RAPGEF4: variants seen among roughly 807,000 people sequenced by gnomAD.
RAPGEF4 encodes RAP guanine-nucleotide-exchange factor (GEF) 4.
In RAPGEF4, 66 loss-of-function variants were observed where a neutral mutation model predicts 147.9. The observed-to-expected ratio is 0.45, with a 90% CI of 0.37 to 0.55. The LOEUF (loss-of-function observed/expected upper bound fraction) is 0.55, where lower values mean the gene tolerates loss of function less well. Ranked by LOEUF, RAPGEF4 falls within the 20% of genes least tolerant of loss-of-function variation. The pLI is 0.00. For missense variants in RAPGEF4, 1,071 were observed against 1,257.3 expected (o/e 0.85, Z 2.24); for synonymous variants, 419 against 442.7 (o/e 0.95, Z 0.67).
At chr2:172,838,172 A>T (rs1691170954) in intron 4 of RAPGEF4, among the ~76,000 whole-genome samples, 1 of 152,106 alleles carries the variant, frequency 6.6e-6, no homozygotes, top group Non-Finnish European at 1.5e-5. Flanking sequence ...TTCCTACAAG[A>T]AGTGACCTGT....
intron 5 of RAPGEF4, among the ~76,000 whole-genome samples, chr2:172,918,937 G>A (rs574173781): frequency 4.6e-5 from 7 of 152,176 alleles, no homozygotes; most frequent in African/African-American, 1.4e-4. Flanking sequence ...CTGCTTGACC[G>A]CAATCCTGAG....
chr2:172,771,379 G>A (rs1683565965), intron 1 of RAPGEF4, among the ~76,000 whole-genome samples: 2 of 151,072 alleles, frequency 1.3e-5, no homozygotes, highest in African/African-American at 2.4e-5. Context: ...GAATTTGGGG[G>A]CGGGGATACA....
intron 1 of RAPGEF4, among the ~76,000 whole-genome samples, chr2:172,785,136 C>T (rs544729480): frequency 1.3e-5 from 2 of 152,286 alleles, no homozygotes; most frequent in African/African-American, 4.8e-5. Context: ...AAATGGAATT[C>T]TTAATACCTG....
intron 5 of RAPGEF4, among the ~76,000 whole-genome samples, chr2:172,919,558 C>T (rs1025533773): frequency 6.6e-6 from 1 of 152,070 alleles, no homozygotes; most frequent in East Asian, 1.9e-4. Context: ...AGAGTTTAGC[C>T]ATGGCTTCTT....
Position 173,017,449 on chromosome 2 carries a change from C to G in RAPGEF4, c.1953C>G (p.Phe651Leu), listed in dbSNP as rs368919451. The G allele has an allele frequency of 4.9e-5, 79 of 1,614,024 alleles. No homozygotes were observed. The highest frequency in any genetic ancestry group is 6.5e-5 in the Non-Finnish European group (77 of 1,180,020). ...AGCACAAGGTTCTTTTGCAACAGTTCAATACGGGCGATGAGAGAGCCCAGA... is the reference window on the plus strand; with the variant it reads ...AGCACAAGGTTCTTTTGCAACAGTTGAATACGGGCGATGAGAGAGCCCAGA... Reference protein sequence around the residue: ...QKKHKVLLQQFNTGDERAQKR... With the variant: ...QKKHKVLLQQLNTGDERAQKR... Residue 651 changes from phenylalanine to leucine, a missense_variant, in exon 21 of 31, where the codon TTC becomes TTG. Transcript: ENST00000397081.
At chr2:172,910,106 G>C (rs1462954336) in intron 4 of RAPGEF4, among the ~76,000 whole-genome samples, 1 of 152,200 alleles carries the variant, frequency 6.6e-6, no homozygotes, top group Non-Finnish European at 1.5e-5. Flanking sequence ...TGATTCCATG[G>C]CCTCAGTGTT....
rs181874418 is a variant in RAPGEF4 at position 172,925,906 on chromosome 2, A to G, written c.537+3606A>G. On this transcript the variant is annotated intron_variant, in intron 6 of 30. Transcript: ENST00000397081. ...AAAAGAAAGGAAAGAAAGAAGAAAG[A>G]GAGAAAGAAAGAGTAAAAAAGAAAG... 9.9e-3 allele frequency among the ~76,000 whole-genome samples: 1,412 copies of G among 143,128 alleles called. 26 individuals are homozygous for G. Among genetic ancestry groups the G allele is most frequent in the African/African-American group, 0.035 (1,356 of 39,136 alleles). The allele number at this position is 143,128 out of a possible 152,430, so 93.9% of individuals were successfully genotyped here.
At position 172,980,031 on chromosome 2, in the gene RAPGEF4, A is replaced by G. The variant is rs1470094745; in HGVS notation, c.1005-3465A>G. Among the ~76,000 whole-genome samples the G allele has an allele frequency of 2.0e-5, 3 of 152,322 alleles. No individual in the cohort carries two copies. In the East Asian group the frequency reaches 5.8e-4, roughly 29 times the overall value. The stretch of plus-strand genomic sequence containing the variant: ...AGAGAGCCAGTTTCACTTAGGAAAG[A>G]TGACATTGAGCTGGGCTTGAGGCAG... On this transcript the variant is annotated intron_variant, in intron 10 of 30. Coordinates refer to ENST00000397081, the MANE Select transcript of RAPGEF4 (RefSeq NM_007023.4).
At chr2:172,792,504 T>G (rs940998411) in intron 1 of RAPGEF4, among the ~76,000 whole-genome samples, 1 of 152,140 alleles carries the variant, frequency 6.6e-6, no homozygotes, top group Admixed American at 6.5e-5. Context: ...CCCTTCCTCT[T>G]CCCCAGGAAG....
intron 3 of RAPGEF4, among the ~76,000 whole-genome samples, chr2:172,813,698 T>G (rs1012585059): frequency 2.0e-5 from 3 of 151,114 alleles, no homozygotes; most frequent in African/African-American, 7.3e-5. Flanking sequence ...AAAAAAAAAC[T>G]GAGCTCAGCT....
chr2:173,006,102 T>G (rs1429269347), intron 17 of RAPGEF4, among the ~76,000 whole-genome samples: 2 of 152,134 alleles, frequency 1.3e-5, no homozygotes, highest in Admixed American at 1.3e-4. Context: ...GTGAAAACCT[T>G]TTTAACATTT....
At chr2:173,018,525 T>C (rs1575530965) in intron 21 of RAPGEF4, 131 bp from the exon 22 acceptor site, 1 of 926,862 alleles carries the variant, frequency 1.1e-6, no homozygotes, top group Non-Finnish European at 1.6e-6. Context: ...GGTAAATGAG[T>C]ATGAATAAAT....
At chr2:172,753,294 C>A (rs1009021843) in intron 1 of RAPGEF4, among the ~76,000 whole-genome samples, 6 of 149,506 alleles carry the variant, frequency 4.0e-5, no homozygotes, top group African/African-American at 1.5e-4. Context: ...GGAGAGTGAA[C>A]AATAATAAAA....
At chr2:172,792,514 G>A (rs944821253) in intron 1 of RAPGEF4, among the ~76,000 whole-genome samples, 1 of 152,218 alleles carries the variant, frequency 6.6e-6, no homozygotes, top group Non-Finnish European at 1.5e-5. Flanking sequence ...TCCCCAGGAA[G>A]CAGAATCCAA....
chr2:173,051,339 T>A (rs1686210137), intron 30 of RAPGEF4, among the ~76,000 whole-genome samples: 1 of 152,158 alleles, frequency 6.6e-6, no homozygotes, highest in Non-Finnish European at 1.5e-5. Flanking sequence ...AATTTTAATC[T>A]ATACCCAGGG....
chr2:172,788,660 G>T (rs1685491591), intron 1 of RAPGEF4, among the ~76,000 whole-genome samples: 1 of 152,002 alleles, frequency 6.6e-6, no homozygotes, highest in Admixed American at 6.6e-5. Flanking sequence ...CGAAGCAGGA[G>T]GATTGGTTGA....
intron 4 of RAPGEF4, among the ~76,000 whole-genome samples, chr2:172,895,263 A>G (rs142800778): frequency 6.6e-6 from 1 of 152,302 alleles, no homozygotes; most frequent in Non-Finnish European, 1.5e-5. Context: ...TTTGAAAGGC[A>G]TGTGGCATCC....
chr2:172,946,994 T>G (rs1385539010), intron 6 of RAPGEF4, among the ~76,000 whole-genome samples: 7 of 152,218 alleles, frequency 4.6e-5, no homozygotes, highest in Non-Finnish European at 8.8e-5. Context: ...TAAATGTGCT[T>G]CACTTATTCT....
intron 4 of RAPGEF4, among the ~76,000 whole-genome samples, chr2:172,870,680 CGA>C (rs2149808790): frequency 6.6e-6 from 1 of 152,158 alleles, no homozygotes; most frequent in South Asian, 2.1e-4. Flanking sequence ...ATGACTATCA[CGA>C]GAGATATGCT....
Sources: gnomAD v4.1 joint callset for allele counts (sites outside exome capture counted in the v4.1 genomes callset) on GRCh38, gnomAD v4.1.1 for gene constraint, MANE v1.5 for transcripts, NCBI Gene and HGNC (gene_info 2026-07-23, HGNC 2026-07-21) for gene names.